Variants in DYNC1H1 observed in about 807,000 individuals in gnomAD.
The protein encoded by DYNC1H1 is cytoplasmic dynein 1 heavy chain 1.
In DYNC1H1, 51 loss-of-function variants were observed where a neutral mutation model predicts 527.1. The observed-to-expected ratio is 0.10, with a 90% CI of 0.08 to 0.12. DYNC1H1 has a LOEUF of 0.12. DYNC1H1 is among the 10% of genes least tolerant of loss of function. The pLI is 1.00. For synonymous variants in DYNC1H1, 2,189 were observed against 2,278.8 expected (o/e 0.96, Z 1.12); for missense variants, 2,771 against 5,971.8 (o/e 0.46, Z 17.66).
rs575285403 is a variant in DYNC1H1 at position 102,000,355 on chromosome 14, G to A, written c.4030G>A (p.Asp1344Asn). The A allele has an allele frequency of 6.2e-6, 10 of 1,614,138 alleles. No individual in the cohort carries two copies. Among genetic ancestry groups the A allele is most frequent in the Non-Finnish European group, 8.5e-6 (10 of 1,180,030 alleles). Residue 1344 changes from aspartate (D) to asparagine (N), a missense_variant, in exon 18 of 78, where the codon GAT (aspartate) becomes AAT (asparagine). Physicochemically the swap from Asp to Asn is conservative, Grantham distance 23. Around this residue, in one of 32 missense-constraint regions of DYNC1H1, gnomAD observed 223 missense variants for 462.5 expected, o/e 0.48. Transcript: ENST00000360184. The stretch of plus-strand genomic sequence containing the variant: ...ACTTTCTAAGGTTTGGGAGCAAATC[G>A]ATCAGATGAAGGAGCAACCCTGGGT... ...SELSKVWEQI[D>N]QMKEQPWVSV...
intron 11 of DYNC1H1, 141 bp downstream of exon 11, chr14:101,991,814 G>T: frequency 8.0e-7 from 1 of 1,255,370 alleles, no homozygotes; most frequent in East Asian, 2.5e-5. Context: ...AAGTTAGGGA[G>T]GCTTTTTGTG....
Position 102,002,692 on chromosome 14 carries a change from G to A in DYNC1H1, c.4698G>A (p.Gln1566=). 1 of 1,614,274 alleles carries A rather than the reference G, an allele frequency of 6.2e-7. No individual in the cohort carries two copies. Among genetic ancestry groups the A allele is most frequent in the Non-Finnish European group, 8.5e-7 (1 of 1,180,058 alleles). The part of the protein sequence containing the change: ...DIKHLLPVET[Q]RFQSISTEFL... ...AGCACCTGCTGCCAGTGGAAACCCA[G>A]CGGTTTCAGAGGTATGGCCTCCAGC... The change falls in exon 22 of 78, where the codon CAG becomes CAA. Residue 1566 remains glutamine, a synonymous_variant. Coordinates refer to ENST00000360184, the MANE Select transcript of DYNC1H1 (RefSeq NM_001376.5). This position sits in a 1 kb window ranked among gnomAD's most constrained non-coding sequence, Gnocchi z 4.4.
chr14:102,047,639 G>A lies in DYNC1H1; in HGVS notation c.13007-178G>A, dbSNP rs868621403. 0.017 allele frequency: 6,046 copies of A among 349,970 alleles called. 178 individuals are homozygous for A. The highest frequency in any genetic ancestry group is 0.087 in the African/African-American group (1,781 of 20,416). 21.7% of individuals were successfully genotyped at this position (349,970 alleles called of 1,614,324 possible). The stretch of plus-strand genomic sequence containing the variant: ...TATACACGTGTGTGTGTGTGTGTGT[G>A]TGTATATATATATATATATATATAT... On this transcript the variant is annotated intron_variant, in intron 72 of 77. Coordinates refer to ENST00000360184, the MANE Select transcript of DYNC1H1 (RefSeq NM_001376.5).
rs753894340 is a variant in DYNC1H1 at position 102,016,418 on chromosome 14, G to T, written c.7543G>T (p.Gly2515Cys). 2 of 1,614,078 alleles carry T rather than the reference G, an allele frequency of 1.2e-6. No homozygotes were observed. The highest frequency in any genetic ancestry group is 2.2e-5 in the East Asian group (1 of 44,878). ...CCGGCTAAAAATGAGAGCAGAGCTGGGTGAATACATCAGAAGAATCACGAC... is the reference window on the plus strand; with the variant it reads ...CCGGCTAAAAATGAGAGCAGAGCTGTGTGAATACATCAGAAGAATCACGAC... The part of the protein sequence containing the change: ...DSRLKMRAEL[G>C]EYIRRITTVP... The change falls in exon 37 of 78, where the codon GGT becomes TGT. Residue 2515 changes from glycine (G) to cysteine (C), a missense_variant. Coordinates refer to ENST00000360184, the MANE Select transcript of DYNC1H1 (RefSeq NM_001376.5). The surrounding 1 kb of genome is among the most constrained non-coding windows in gnomAD (Gnocchi z 7.3).
In DYNC1H1 at chr14:102,050,527, C is replaced by G. The variant is rs1270293412; in HGVS notation, c.13905C>G (p.Phe4635Leu). The G allele has an allele frequency of 6.2e-7, 1 of 1,614,246 alleles. No homozygotes were observed. The highest frequency in any genetic ancestry group is 2.2e-5 in the East Asian group (1 of 44,894). The part of the protein sequence containing the change: ...EIATKEDPRS[F>L]YERGVAVLCT... ...CTACAAAGGAGGATCCTCGCAGCTT[C>G]TACGAGCGGGGTGTCGCAGTCTTGT... is the stretch of plus-strand genomic sequence containing the variant. The change falls in exon 78 of 78, where the codon TTC becomes TTG. Residue 4635 changes from phenylalanine to leucine, a missense_variant. Physicochemically the swap from Phe to Leu is conservative, Grantham distance 22 (BLOSUM62 0). Coordinates refer to ENST00000360184, the MANE Select transcript of DYNC1H1 (RefSeq NM_001376.5).
intron 28 of DYNC1H1, 46 bp downstream of exon 28, chr14:102,007,154 G>A: frequency 2.5e-6 from 4 of 1,595,056 alleles, no homozygotes; most frequent in Admixed American, 1.7e-5. Context: ...GCCCTGCAGG[G>A]ATCATTTGGG....
chr14:102,027,541 A>G lies in DYNC1H1; in HGVS notation c.9045A>G (p.Gly3015=). 6.2e-7 allele frequency: 1 copy of G among 1,614,136 alleles called. No homozygotes were observed. Among genetic ancestry groups the G allele is most frequent in the South Asian group, 1.1e-5 (1 of 91,082 alleles). The change falls in exon 46 of 78, where the codon GGA becomes GGG. Residue 3015 remains glycine (G), a synonymous_variant. Coordinates refer to ENST00000360184, the MANE Select transcript of DYNC1H1 (RefSeq NM_001376.5). The surrounding 1 kb of genome is among the most constrained non-coding windows in gnomAD (Gnocchi z 7.7). ...GAATGAATACCCTTCTGGCCAATGGAGAGGTAATTAGGTGACGTGTTGCGT... is the reference window on the plus strand; with the variant it reads ...GAATGAATACCCTTCTGGCCAATGGGGAGGTAATTAGGTGACGTGTTGCGT... ...LERMNTLLAN[G]EVPGLFEGDE...
rs2048534236 is a variant in DYNC1H1 at position 102,033,543 on chromosome 14, C to T, written c.10413+59C>T. ...TGCTGTGGAAGCAGAGATTAACACACTTCAACATGCGCTGCATGCACCATG... is the reference window on the plus strand; with the variant it reads ...TGCTGTGGAAGCAGAGATTAACACATTTCAACATGCGCTGCATGCACCATG... On this transcript the variant is annotated intron_variant, in intron 54 of 77. Transcript: ENST00000360184. This position sits in a 1 kb window ranked among gnomAD's most constrained non-coding sequence, Gnocchi z 5.6. The T allele has an allele frequency of 1.9e-6, 3 of 1,595,098 alleles. No homozygotes were observed. The highest frequency in any genetic ancestry group is 1.7e-5 in the Admixed American group (1 of 58,176).
chr14:102,032,649 A>G (rs1257234725), intron 52 of DYNC1H1, 182 bp downstream of exon 52: 6 of 777,886 alleles, frequency 7.7e-6, no homozygotes, highest in Middle Eastern at 6.9e-4. Context: ...CCTAGGAGTT[A>G]GAGACCAACC....
chr14:101,968,952 G>A (rs2047698136), intron 1 of DYNC1H1, among the ~76,000 whole-genome samples: 1 of 152,244 alleles, frequency 6.6e-6, no homozygotes, highest in South Asian at 2.1e-4. Context: ...CGTGCATTTA[G>A]AGGAGAAATG....
Position 102,016,011 on chromosome 14 carries a change from C to T in DYNC1H1, c.7398C>T (p.Cys2466=), listed in dbSNP as rs1352364628. The T allele has an allele frequency of 1.9e-6, 3 of 1,613,766 alleles. No homozygotes were observed. Among genetic ancestry groups the T allele is most frequent in the Non-Finnish European group, 2.5e-6 (3 of 1,179,984 alleles). ...TCTTCTCCATGCTGCACCAGGCCTG[C>T]CGCAACGTGGCGCAGTATAACGCCA... is the stretch of plus-strand genomic sequence containing the variant. ...GSLFSMLHQA[C]RNVAQYNANH... The change falls in exon 36 of 78, where the codon TGC becomes TGT. Residue 2466 remains cysteine (C), a synonymous_variant. Coordinates refer to ENST00000360184, the MANE Select transcript of DYNC1H1 (RefSeq NM_001376.5). The surrounding 1 kb of genome is among the most constrained non-coding windows in gnomAD (Gnocchi z 7.3).
chr14:101,969,726 TG>T (rs2047709668), intron 1 of DYNC1H1: 1 of 152,262 alleles, frequency 6.6e-6, no homozygotes. Flanking sequence ...TGTCACACTG[TG>T]GGACACACCA....
Position 102,032,589 on chromosome 14 carries a change from C to T in DYNC1H1, c.10079+122C>T, listed in dbSNP as rs17541401. 1,415 of 1,277,254 alleles carry T rather than the reference C, an allele frequency of 1.1e-3. 29 individuals carry two copies. The Admixed American group carries it at 0.024, about 22-fold the overall frequency. The allele number at this position is 1,277,254 out of a possible 1,614,324, so 79.1% of individuals were successfully genotyped here. On this transcript the variant is annotated intron_variant, in intron 52 of 77. Transcript: ENST00000360184. The stretch of plus-strand genomic sequence containing the variant: ...TGTTCAGGCCAGGCACAGTGGCTCA[C>T]GGCTCCAATCCCAGAACTTTGGGAG...
At position 102,004,930 on chromosome 14, in the gene DYNC1H1, A is replaced by G; in HGVS notation, c.5218A>G (p.Thr1740Ala). The change falls in exon 25 of 78, where the codon ACT becomes GCT. Residue 1740 changes from threonine (T) to alanine (A), a missense_variant. Coordinates refer to ENST00000360184, the MANE Select transcript of DYNC1H1 (RefSeq NM_001376.5). Reference sequence around the variant, plus strand: ...TTCAATTGACCCAAATACCTACATCACTTGGATTGATAAATACCAGGTAAT... The same window carrying G: ...TTCAATTGACCCAAATACCTACATCGCTTGGATTGATAAATACCAGGTAAT... Reference protein sequence around the residue: ...ATSIDPNTYITWIDKYQAQLV... With the variant: ...ATSIDPNTYIAWIDKYQAQLV... 1 of 1,614,168 alleles carries G rather than the reference A, an allele frequency of 6.2e-7. No homozygotes were observed. Among genetic ancestry groups the G allele is most frequent in the Non-Finnish European group, 8.5e-7 (1 of 1,180,040 alleles).
chr14:102,030,602 C>T, intron 51 of DYNC1H1: 1 of 337,940 alleles, frequency 3.0e-6, no homozygotes, highest in East Asian at 7.4e-5. Flanking sequence ...TTTATCAATC[C>T]CTGACTTGAA....
At chr14:102,048,052 G>A in intron 73 of DYNC1H1, 24 bp downstream of exon 73, 2 of 1,597,260 alleles carry the variant, frequency 1.3e-6, no homozygotes, top group Non-Finnish European at 1.7e-6. Context: ...TGGCGGGCCG[G>A]CCAGGTCTCA....
At position 101,997,008 on chromosome 14, in the gene DYNC1H1, A is replaced by G. The variant is rs1384307183; in HGVS notation, c.3565-27A>G. ...TTCTATCATTGTTATAGAAGAAAAA[A>G]CTTGATTTATTTTTTAACTCTCAAA... On this transcript the variant is annotated intron_variant, in intron 15 of 77. Coordinates refer to ENST00000360184, the MANE Select transcript of DYNC1H1 (RefSeq NM_001376.5). The surrounding 1 kb of genome is among the most constrained non-coding windows in gnomAD (Gnocchi z 4.8). The G allele has an allele frequency of 1.2e-6, 2 of 1,602,858 alleles. No homozygotes were observed. Among genetic ancestry groups the G allele is most frequent in the East Asian group, 4.5e-5 (2 of 44,234 alleles).
intron 51 of DYNC1H1, 22 bp from the exon 52 acceptor site, chr14:102,032,250 A>T (rs1371885866): frequency 6.2e-7 from 1 of 1,612,876 alleles, no homozygotes. Context: ...ATCGACCCTC[A>T]TCCACTCCTG....
chr14:101,997,746 A>G lies in DYNC1H1; in HGVS notation c.3804+472A>G, dbSNP rs1193662881. ...CTGCCACATCCACTTTTCTTCATGC[A>G]TTGAAGTATTTATTGAGCACCGACT... On this transcript the variant is annotated intron_variant, in intron 16 of 77. Transcript: ENST00000360184. This position sits in a 1 kb window ranked among gnomAD's most constrained non-coding sequence, Gnocchi z 4.8. 6.6e-6 allele frequency among the ~76,000 whole-genome samples: 1 copy of G among 152,186 alleles called. No homozygotes were observed. The highest frequency in any genetic ancestry group is 1.9e-4 in the East Asian group (1 of 5,198).
Sources: gnomAD v4.1 joint callset for allele counts (sites outside exome capture counted in the v4.1 genomes callset) on GRCh38, gnomAD v4.1.1 for gene constraint, gnomAD v4.1.1 regional missense constraint, Gnocchi (gnomAD v3.1) non-coding constraint, MANE v1.5 for transcripts, NCBI Gene and HGNC (gene_info 2026-07-23, HGNC 2026-07-21) for gene names.